The following CCDC186 variants were observed in gnomAD, a reference collection of about 807,000 sequenced individuals.
CCDC186 encodes coiled-coil domain-containing protein 186.
Under a neutral mutation model 113.7 loss-of-function variants are expected in CCDC186, and 49 were observed. That is an observed-to-expected ratio of 0.43 (90% CI 0.34 to 0.55). The LOEUF (loss-of-function observed/expected upper bound fraction) is 0.55, where lower values mean the gene tolerates loss of function less well. Among genes scored for constraint, CCDC186 ranks in the 20% least tolerant of loss-of-function variants. The pLI is 0.02. For missense variants in CCDC186, 890 were observed against 1,011.1 expected (o/e 0.88, Z 1.62); for synonymous variants, 355 against 345.8 (o/e 1.03, Z -0.30).
chr10:114,128,696 A>G (rs899801301), intron 13 of CCDC186, among the ~76,000 whole-genome samples: 3 of 152,342 alleles, frequency 2.0e-5, no homozygotes, highest in African/African-American at 7.2e-5. Flanking sequence ...ATTCCAAAAA[A>G]AGACACAAAC....
chr10:114,166,913 T>G (rs980407294), intron 1 of CCDC186, among the ~76,000 whole-genome samples: 2 of 151,922 alleles, frequency 1.3e-5, no homozygotes, highest in African/African-American at 4.8e-5. Context: ...CAGATTAACC[T>G]CAAAAGGCAA....
intron 3 of CCDC186, 132 bp from the exon 4 acceptor site, chr10:114,151,352 C>G (rs2119808245): frequency 1.3e-6 from 1 of 749,422 alleles, no homozygotes; most frequent in East Asian, 3.2e-5. Context: ...GAAATAAAAA[C>G]TTTTAGCAAT....
chr10:114,127,160 G>C (rs113864432), intron 14 of CCDC186, among the ~76,000 whole-genome samples: 51 of 152,278 alleles, frequency 3.3e-4, no homozygotes, highest in African/African-American at 1.2e-3. Context: ...TAGAGCCACA[G>C]TCATGAAAAT....
rs543945659 is a variant in CCDC186 at position 114,153,584 on chromosome 10, G to A, written c.760-2364C>T. ...GAGGCTCACTTGAGGTCAGGAGTTC[G>A]AGACCAGCCTGGCCAACACTGTGAA... On this transcript the variant is annotated intron_variant, in intron 3 of 15. Coordinates refer to ENST00000369287, the MANE Select transcript of CCDC186 (RefSeq NM_018017.4). Among the ~76,000 whole-genome samples, 218 of 151,866 alleles carry A rather than the reference G, an allele frequency of 1.4e-3. 2 individuals are homozygous for A. The highest frequency in any genetic ancestry group is 4.8e-3 in the African/African-American group (200 of 41,450).
At chr10:114,125,816 G>C (rs2030881351) in intron 15 of CCDC186, 70 bp downstream of exon 15, 1 of 1,322,526 alleles carries the variant, frequency 7.6e-7, no homozygotes, top group African/African-American at 1.4e-5. Flanking sequence ...CTGATTGCTA[G>C]ATCAGACTGT....
At chr10:114,137,625 G>A (rs187120161) in intron 6 of CCDC186, among the ~76,000 whole-genome samples, 122 of 152,138 alleles carry the variant, frequency 8.0e-4, no homozygotes, top group Middle Eastern at 3.4e-3. Context: ...TCTTTTGGCC[G>A]GACGTGGTGG....
intron 1 of CCDC186, chr10:114,173,007 G>A (rs1238490149): frequency 3.7e-6 from 1 of 269,468 alleles, no homozygotes; most frequent in African/African-American, 2.2e-5. Flanking sequence ...TCTTCTGAAT[G>A]ACTACCAGCA....
chr10:114,145,875 A>T (rs2031625462), intron 4 of CCDC186, 114 bp from the exon 5 acceptor site: 2 of 967,056 alleles, frequency 2.1e-6, no homozygotes, highest in Non-Finnish European at 3.0e-6. Flanking sequence ...GTTTTTGCAC[A>T]ACATTCCCAG....
chr10:114,145,809 T>TG, intron 4 of CCDC186, 48 bp from the exon 5 acceptor site: 1 of 1,488,540 alleles, frequency 6.7e-7, no homozygotes, highest in Non-Finnish European at 9.0e-7. Flanking sequence ...ATGTTTCAAA[T>TG]GGAAATGTAT....
intron 6 of CCDC186, among the ~76,000 whole-genome samples, chr10:114,139,418 C>G (rs568536628): frequency 6.6e-6 from 1 of 151,910 alleles, no homozygotes; most frequent in South Asian, 2.1e-4. Context: ...CAAAAATTAG[C>G]CGGGTGTGGT....
At position 114,132,050 on chromosome 10, in the gene CCDC186, C is replaced by A; in HGVS notation, c.1790G>T (p.Ser597Ile). 1.2e-6 allele frequency: 2 copies of A among 1,613,554 alleles called. No homozygotes were observed. Among genetic ancestry groups the A allele is most frequent in the Non-Finnish European group, 1.7e-6 (2 of 1,179,796 alleles). The stretch of plus-strand genomic sequence containing the variant: ...TTCAGACTGAAGCTGTGCATTCTTA[C>A]TAGTGAGCCTTTCTGTAAACAGCAG... The part of the protein sequence containing the change: ...ELLLFTERLT[S>I]KNAQLQSESN... Residue 597 changes from serine to isoleucine, a missense_variant, in exon 11 of 16, where the codon AGT (serine) becomes ATT (isoleucine). Coordinates refer to ENST00000369287, the MANE Select transcript of CCDC186 (RefSeq NM_018017.4).
intron 3 of CCDC186, among the ~76,000 whole-genome samples, chr10:114,153,623 C>G (rs1589624650): frequency 6.7e-6 from 1 of 150,306 alleles, no homozygotes; most frequent in African/African-American, 2.4e-5. Flanking sequence ...CCGTCTCTAC[C>G]AAAAATACAA....
intron 14 of CCDC186, 102 bp downstream of exon 14, chr10:114,127,359 T>C (rs1424557396): frequency 9.4e-6 from 10 of 1,065,024 alleles, no homozygotes; most frequent in African/African-American, 6.4e-5. Context: ...TAATTATTTT[T>C]TGAAAGATAG....
At chr10:114,145,450 GTTAACCATGTTAAA>G in intron 5 of CCDC186, 85 bp downstream of exon 5, 1 of 1,102,770 alleles carries the variant, frequency 9.1e-7, no homozygotes, top group Non-Finnish European at 1.3e-6. Flanking sequence ...ACGTTTGAGT[GTTAACCATGTTAAA>G]TTATGATTAT....
chr10:114,144,668 A>G (rs112910417), intron 5 of CCDC186, 52 bp from the exon 6 acceptor site: 11 of 1,449,382 alleles, frequency 7.6e-6, no homozygotes, highest in African/African-American at 7.2e-5. Flanking sequence ...TCAATTAATT[A>G]TATCTTTTAT....
chr10:114,127,656 C>T lies in CCDC186; in HGVS notation c.2198G>A (p.Arg733Gln), dbSNP rs758542467. 1.4e-5 allele frequency: 23 copies of T among 1,613,652 alleles called. No individual in the cohort carries two copies. Among genetic ancestry groups the T allele is most frequent in the East Asian group, 2.2e-5 (1 of 44,876 alleles). ...TGGAGATCGATCTTCTGCACTGCTT[C>T]GAGCATTCAGGGACCCTGAAGACAA... Reference protein sequence around the residue: ...RSSSSGSLNARSSAEDRSPEN... With the variant: ...RSSSSGSLNAQSSAEDRSPEN... The change falls in exon 14 of 16, where the codon CGA becomes CAA. Residue 733 changes from arginine (R) to glutamine (Q), a missense_variant. Physicochemically the swap from Arg to Gln is conservative, Grantham distance 43 (BLOSUM62 1). Coordinates refer to ENST00000369287, the MANE Select transcript of CCDC186 (RefSeq NM_018017.4).
At chr10:114,150,797 C>A (rs1022085605) in intron 4 of CCDC186, among the ~76,000 whole-genome samples, 1 of 152,122 alleles carries the variant, frequency 6.6e-6, no homozygotes, top group South Asian at 2.1e-4. Flanking sequence ...TACAGGGATG[C>A]GCCACCACGT....
chr10:114,147,360 CT>C (rs143849512), intron 4 of CCDC186, among the ~76,000 whole-genome samples: 3,413 of 152,106 alleles, frequency 0.022, 138 homozygotes, highest in African/African-American at 0.079. Context: ...CTTACATCCC[CT>C]GGGAGGAGTT....
At chr10:114,173,657 T>C (rs930944889) in intron 1 of CCDC186, among the ~76,000 whole-genome samples, 33 of 152,316 alleles carry the variant, frequency 2.2e-4, no homozygotes, top group Admixed American at 2.2e-3. Context: ...TAGGAAAGAT[T>C]CTCGAGCAGG....
Sources: allele counts gnomAD v4.1 joint callset (sites outside exome capture counted in the v4.1 genomes callset), GRCh38; gene constraint gnomAD v4.1.1; transcripts MANE v1.5; gene names NCBI Gene and HGNC (gene_info 2026-07-23, HGNC 2026-07-21).